The following PTPRA variants were observed in gnomAD, a reference collection of about 807,000 sequenced individuals.
PTPRA encodes the protein protein tyrosine phosphatase receptor type A.
A neutral mutation model predicts 104.8 loss-of-function variants in PTPRA; 25 were observed. The ratio of observed to expected loss-of-function variants is 0.24; its 90% confidence interval spans 0.17 to 0.33. The LOEUF (loss-of-function observed/expected upper bound fraction) is 0.33, where lower values mean the gene tolerates loss of function less well. Among genes scored for constraint, PTPRA ranks in the 10% least tolerant of loss-of-function variants. The pLI is 1.00. For synonymous variants in PTPRA, 323 were observed against 368.9 expected (o/e 0.88, Z 1.43); for missense variants, 765 against 1,015.3 (o/e 0.75, Z 3.35).
intron 5 of PTPRA, among the ~76,000 whole-genome samples, chr20:2,972,919 C>T (rs1429211578): frequency 1.3e-5 from 2 of 151,702 alleles, no homozygotes; most frequent in Non-Finnish European, 2.9e-5. Context: ...GGGGTTTCGC[C>T]ATGTTGCCCA....
intron 5 of PTPRA, among the ~76,000 whole-genome samples, chr20:2,971,379 T>G (rs2062180582): frequency 6.6e-6 from 1 of 152,200 alleles, no homozygotes; most frequent in Non-Finnish European, 1.5e-5. Context: ...ATCTTCTAAC[T>G]GGCTGCTGTT....
intron 1 of PTPRA, among the ~76,000 whole-genome samples, chr20:2,917,082 C>T (rs1023053266): frequency 1.3e-5 from 2 of 151,350 alleles, no homozygotes; most frequent in Admixed American, 1.3e-4. Context: ...CTCAGCCTCC[C>T]GAGTAGCTGG....
chr20:2,954,425 G>A (rs1258245374), intron 3 of PTPRA, among the ~76,000 whole-genome samples: 1 of 151,976 alleles, frequency 6.6e-6, no homozygotes, highest in East Asian at 1.9e-4. Context: ...GTCTCACTGT[G>A]TTGGCCAGGC....
chr20:2,905,834 G>A (rs553840991), intron 1 of PTPRA, among the ~76,000 whole-genome samples: 53 of 151,352 alleles, frequency 3.5e-4, no homozygotes, highest in African/African-American at 1.2e-3. Context: ...ACAGGCATGC[G>A]CCACCACACC....
chr20:2,933,486 A>G (rs2060579706), intron 2 of PTPRA, among the ~76,000 whole-genome samples: 1 of 150,302 alleles, frequency 6.7e-6, no homozygotes, highest in African/African-American at 2.5e-5. Flanking sequence ...TTTGAGACAG[A>G]TCATCACTCT....
At chr20:2,987,798 T>C (rs1247247670) in intron 7 of PTPRA, 2 of 607,726 alleles carry the variant, frequency 3.3e-6, no homozygotes, top group East Asian at 6.3e-5. Flanking sequence ...CTGAATATAC[T>C]GTTGGGGTTC....
intron 10 of PTPRA, among the ~76,000 whole-genome samples, chr20:3,007,023 AT>A (rs1329426445): frequency 3.9e-5 from 6 of 152,180 alleles, no homozygotes; most frequent in Non-Finnish European, 7.3e-5. Flanking sequence ...ATTTTTTAAT[AT>A]GATTGGTATA....
intron 9 of PTPRA, among the ~76,000 whole-genome samples, chr20:2,992,717 T>C (rs1468546619): frequency 6.6e-6 from 1 of 152,008 alleles, no homozygotes; most frequent in Non-Finnish European, 1.5e-5. Flanking sequence ...ACAAACACTC[T>C]AGAGCTCCAT....
At chr20:2,953,401 G>A (rs548368958) in intron 3 of PTPRA, among the ~76,000 whole-genome samples, 30 of 150,840 alleles carry the variant, frequency 2.0e-4, no homozygotes, top group African/African-American at 7.1e-4. Context: ...CTACAGGCGC[G>A]CGTTACCACG....
chr20:3,021,166 G>A (rs1356087312), intron 13 of PTPRA, 143 bp from the exon 14 acceptor site: 4 of 1,123,972 alleles, frequency 3.6e-6, no homozygotes, highest in African/African-American at 1.6e-5. Flanking sequence ...AAGTAAGTGT[G>A]CAACTGACTG....
chr20:2,916,826 A>G (rs985857125), intron 1 of PTPRA, among the ~76,000 whole-genome samples: 2 of 152,202 alleles, frequency 1.3e-5, no homozygotes, highest in Admixed American at 6.5e-5. Context: ...AGCTTTGGTT[A>G]CCGGTGCTTT....
chr20:2,870,673 G>A (rs996704321), upstream of PTPRA, among the ~76,000 whole-genome samples: 7 of 152,290 alleles, frequency 4.6e-5, no homozygotes, highest in South Asian at 6.2e-4. Context: ...AGGAGGCCCC[G>A]AGAGGGGAAA....
chr20:2,870,524 A>G (rs1271128625), upstream of PTPRA, among the ~76,000 whole-genome samples: 1 of 152,136 alleles, frequency 6.6e-6, no homozygotes, highest in East Asian at 1.9e-4. Flanking sequence ...CTGTGTTCCT[A>G]TCCAGAATGT....
chr20:2,954,682 CAGA>C (rs1191085873), intron 3 of PTPRA, among the ~76,000 whole-genome samples: 2 of 152,166 alleles, frequency 1.3e-5, no homozygotes, highest in Admixed American at 6.5e-5. Context: ...CCTTGATTCA[CAGA>C]AGTTTTTAAT....
chr20:2,909,862 T>C (rs2326010), intron 1 of PTPRA, among the ~76,000 whole-genome samples: 8 of 130,110 alleles, frequency 6.1e-5, no homozygotes, highest in Non-Finnish European at 9.3e-5. Flanking sequence ...ATATATATTA[T>C]ATAATATAAT....
chr20:2,928,280 C>T (rs542540205), intron 2 of PTPRA, among the ~76,000 whole-genome samples: 28 of 152,064 alleles, frequency 1.8e-4, no homozygotes, highest in African/African-American at 6.0e-4. Context: ...GGACTATAGG[C>T]GCCTGTCACC....
At chr20:2,989,559 A>C (rs543860716) in intron 9 of PTPRA, among the ~76,000 whole-genome samples, 5 of 152,288 alleles carry the variant, frequency 3.3e-5, no homozygotes, top group African/African-American at 9.6e-5. Flanking sequence ...GTCAGGAGTG[A>C]GTGTGCTGAA....
chr20:3,008,323 G>A (rs916292426), intron 11 of PTPRA, among the ~76,000 whole-genome samples: 1 of 152,072 alleles, frequency 6.6e-6, no homozygotes, highest in Non-Finnish European at 1.5e-5. Flanking sequence ...GCTACAACAT[G>A]GATGAACCTG....
At chr20:2,939,728 C>A (rs2060835347) in intron 2 of PTPRA, among the ~76,000 whole-genome samples, 1 of 152,174 alleles carries the variant, frequency 6.6e-6, no homozygotes, top group African/African-American at 2.4e-5. Context: ...TCCCCTGGTC[C>A]CTAGCCAATC....
Sources: allele counts gnomAD v4.1 joint callset (sites outside exome capture counted in the v4.1 genomes callset), GRCh38; gene constraint gnomAD v4.1.1; transcripts MANE v1.5; gene names NCBI Gene and HGNC (gene_info 2026-07-23, HGNC 2026-07-21).